The following C10orf67 variants were observed in gnomAD, a reference collection of about 807,000 sequenced individuals.
The protein encoded by C10orf67 is uncharacterized protein C10orf67, mitochondrial.
In C10orf67, 60 loss-of-function variants were observed where a neutral mutation model predicts 35.6. The ratio of observed to expected loss-of-function variants is 1.68; its 90% CI spans 1.37 to 2.09. The LOEUF is 2.09. Among genes scored for constraint, C10orf67 ranks in the 30% most tolerant of loss-of-function variants. The pLI is 0.00. For synonymous variants in C10orf67, 167 were observed against 115.8 expected (o/e 1.44, Z -2.84); for missense variants, 474 against 330.2 (o/e 1.44, Z -3.38).
chr10:23,296,021 G>A lies in C10orf67; in HGVS notation c.703-4742C>T, dbSNP rs569665710. On this transcript the variant is annotated intron_variant, in intron 5 of 15. Transcript: ENST00000636213. ...TGTTTGATTCATTATCTCTTATAAC[G>A]TTGAAGTTTTAAATAAGAGTACTAG... Among the ~76,000 whole-genome samples the A allele has an allele frequency of 5.3e-5, 8 of 152,230 alleles. No homozygotes were observed. In the South Asian group the frequency reaches 1.2e-3, roughly 24 times the overall value.
At chr10:23,285,549 T>C (rs1051813084) in intron 7 of C10orf67, among the ~76,000 whole-genome samples, 9 of 151,908 alleles carry the variant, frequency 5.9e-5, no homozygotes, top group African/African-American at 2.2e-4. Flanking sequence ...ATTATTTCAA[T>C]GTGTAATCAA....
chr10:23,340,799 A>T (rs768922918), intron 1 of C10orf67, among the ~76,000 whole-genome samples: 5 of 152,222 alleles, frequency 3.3e-5, no homozygotes, highest in Non-Finnish European at 5.9e-5. Context: ...TCTGAATAAT[A>T]AGTTGGTGGT....
chr10:23,256,186 GAGA>G (rs1842595695), intron 10 of C10orf67, among the ~76,000 whole-genome samples: 1 of 151,928 alleles, frequency 6.6e-6, no homozygotes, highest in African/African-American at 2.4e-5. Context: ...ATTTTTTTTA[GAGA>G]AGAAGTCTTG....
chr10:23,318,762 A>AG, intron 4 of C10orf67: 1 of 650,262 alleles, frequency 1.5e-6, no homozygotes, highest in Non-Finnish European at 2.8e-6. Flanking sequence ...TTAGACACTG[A>AG]GGGGTTGTTA....
At chr10:23,288,490 G>A (rs1014856909) in intron 7 of C10orf67, among the ~76,000 whole-genome samples, 1 of 152,114 alleles carries the variant, frequency 6.6e-6, no homozygotes, top group South Asian at 2.1e-4. Context: ...GGTGAGCAGA[G>A]AGAACTTAGA....
intron 10 of C10orf67, among the ~76,000 whole-genome samples, chr10:23,256,346 C>A (rs1300490041): frequency 6.6e-6 from 1 of 152,074 alleles, no homozygotes; most frequent in African/African-American, 2.4e-5. Flanking sequence ...CTGGCTCCCG[C>A]TTAGGAAGCA....
intron 15 of C10orf67, among the ~76,000 whole-genome samples, chr10:23,217,600 G>A (rs927751): frequency 0.58 from 88,293 of 151,982 alleles, 26,715 homozygotes; most frequent in East Asian, 0.88. Context: ...TTTGGGATGA[G>A]ATCATTGTCA....
intron 4 of C10orf67, among the ~76,000 whole-genome samples, chr10:23,309,308 T>C (rs762019119): frequency 6.6e-6 from 1 of 152,136 alleles, no homozygotes; most frequent in African/African-American, 2.4e-5. Context: ...AAATACCACA[T>C]GTTCTCACTT....
chr10:23,275,945 T>C (rs1843174703), intron 8 of C10orf67, among the ~76,000 whole-genome samples: 1 of 152,188 alleles, frequency 6.6e-6, no homozygotes. Context: ...CAGTTTCCAT[T>C]CTGCCTCAGA....
intron 4 of C10orf67, among the ~76,000 whole-genome samples, chr10:23,314,475 T>C (rs1290535703): frequency 8.2e-6 from 1 of 122,122 alleles, no homozygotes; most frequent in Non-Finnish European, 1.7e-5. Flanking sequence ...GAAAAAAAAT[T>C]AAGTTAAAAC....
intron 5 of C10orf67, among the ~76,000 whole-genome samples, chr10:23,297,018 T>C (rs1843899710): frequency 6.6e-6 from 1 of 152,236 alleles, no homozygotes; most frequent in Non-Finnish European, 1.5e-5. Context: ...GGCAAAAGTA[T>C]TTTTCCTTCT....
chr10:23,210,770 G>C (rs562755488), intron 15 of C10orf67, among the ~76,000 whole-genome samples: 1 of 152,228 alleles, frequency 6.6e-6, no homozygotes, highest in African/African-American at 2.4e-5. Flanking sequence ...CTATCTGCTA[G>C]GAAAGTGCAG....
chr10:23,321,540 T>C (rs1283922723), intron 3 of C10orf67, among the ~76,000 whole-genome samples: 1 of 152,208 alleles, frequency 6.6e-6, no homozygotes, highest in African/African-American at 2.4e-5. Context: ...TCAGATGGTA[T>C]TGAATTTAAA....
rs1291282965 is a variant in C10orf67, at chr10:23,340,406, C to T, written c.206+4163G>A. Among the ~76,000 whole-genome samples, 4 of 151,550 alleles carry T rather than the reference C, an allele frequency of 2.6e-5. No individual in the cohort carries two copies. The East Asian group carries it at 5.8e-4, about 22-fold the overall frequency. ...CTGGTGGCACACACCGGCGGCTCCA[C>T]CTAGTCAGGAGGCTGAAGTGAGAGG... On this transcript the variant is annotated intron_variant, in intron 1 of 15. Coordinates refer to ENST00000636213, the MANE Select transcript of C10orf67 (RefSeq NM_001371909.1).
chr10:23,309,113 G>A (rs1844398639), intron 4 of C10orf67, among the ~76,000 whole-genome samples: 1 of 152,124 alleles, frequency 6.6e-6, no homozygotes, highest in South Asian at 2.1e-4. Flanking sequence ...ATTCACAATG[G>A]CAAAGTCATG....
At chr10:23,274,615 G>A (rs1843129686) in intron 8 of C10orf67, among the ~76,000 whole-genome samples, 1 of 151,908 alleles carries the variant, frequency 6.6e-6, no homozygotes, top group African/African-American at 2.4e-5. Context: ...ATCTTTCCTT[G>A]TTCCCTGAAA....
At chr10:23,307,344 C>G (rs1588676070) in intron 4 of C10orf67, among the ~76,000 whole-genome samples, 1 of 151,990 alleles carries the variant, frequency 6.6e-6, no homozygotes, top group Admixed American at 6.6e-5. Flanking sequence ...ATAGCAAAAC[C>G]TAGTAATATC....
rs1284958769 is a variant in C10orf67 at position 23,266,433 on chromosome 10, C to T, written c.1036-7G>A. 1 of 398,426 alleles carries T rather than the reference C, an allele frequency of 2.5e-6. No individual in the cohort carries two copies. The highest frequency in any genetic ancestry group is 2.1e-5 in the African/African-American group (1 of 48,610). The allele number at this position is 398,426 out of a possible 1,614,324, so 24.7% of individuals were successfully genotyped here. A position where few individuals can be genotyped will look rare whatever the true frequency, so the allele number is the denominator to read the frequency against. On this transcript the variant is annotated splice_region_variant and splice_polypyrimidine_tract_variant and intron_variant, in intron 9 of 15. Coordinates refer to ENST00000636213, the MANE Select transcript of C10orf67 (RefSeq NM_001371909.1). ...CCTTGGCTGATCTTGCAACCTGCCA[C>T]ACAAAAAGACACAACTTTGTTATTC... is the stretch of plus-strand genomic sequence containing the variant.
chr10:23,341,846 CAGTGAAGCCTTCCCTG>C, intron 1 of C10orf67, among the ~76,000 whole-genome samples: 1 of 152,172 alleles, frequency 6.6e-6, no homozygotes, highest in Non-Finnish European at 1.5e-5. Flanking sequence ...GTCATTTTCT[CAGTGAAGCCTTCCCTG>C]ATCACCATTT....
Sources: allele counts gnomAD v4.1 joint callset (sites outside exome capture counted in the v4.1 genomes callset), GRCh38; gene constraint gnomAD v4.1.1; transcripts MANE v1.5; gene names NCBI Gene and HGNC (gene_info 2026-07-23, HGNC 2026-07-21).